The following AOPEP variants were observed in gnomAD, a reference collection of about 807,000 sequenced individuals.
The protein encoded by AOPEP is aminopeptidase O.
In AOPEP, 77 loss-of-function variants were observed where a neutral mutation model predicts 98.1. The ratio of observed to expected loss-of-function variants is 0.78; its 90% CI spans 0.65 to 0.95. The LOEUF (loss-of-function observed/expected upper bound fraction) is 0.95, where lower values mean the gene tolerates loss of function less well. Ranked by LOEUF, AOPEP falls within the 40% of genes least tolerant of loss-of-function variation. The probability of loss-of-function intolerance (pLI) is 0.00; values close to 1 mark genes in which losing one functional copy is unlikely to be tolerated. For missense variants in AOPEP, 1,024 were observed against 1,024.7 expected, an observed-to-expected ratio of 1.00 and a Z score of 0.01; for synonymous variants, 346 against 365.3, an observed-to-expected ratio of 0.95 and a Z score of 0.60.
At chr9:94,975,632 C>T (rs2059795541) in intron 10 of AOPEP, among the ~76,000 whole-genome samples, 1 of 152,164 alleles carries the variant, frequency 6.6e-6, no homozygotes, top group Non-Finnish European at 1.5e-5. Context: ...TCAGTGCTGC[C>T]CTGCAGATCC....
At chr9:94,819,158 C>T (rs1263426878) in intron 5 of AOPEP, among the ~76,000 whole-genome samples, 1 of 152,164 alleles carries the variant, frequency 6.6e-6, no homozygotes, top group Non-Finnish European at 1.5e-5. Context: ...GCTCTCTGTC[C>T]TTGACCTCTT....
chr9:94,872,685 G>T (rs189193733), intron 5 of AOPEP, among the ~76,000 whole-genome samples: 55 of 152,300 alleles, frequency 3.6e-4, no homozygotes, highest in African/African-American at 1.3e-3. Flanking sequence ...TGCTCAGTTT[G>T]TGAATGCTTC....
At chr9:94,744,667 C>T (rs1407044842) in intron 1 of AOPEP, among the ~76,000 whole-genome samples, 1 of 141,972 alleles carries the variant, frequency 7.0e-6, no homozygotes, top group East Asian at 2.1e-4. Flanking sequence ...TGCCATTGCA[C>T]TCCAGCCTGG....
In AOPEP at chr9:94,961,825, A is replaced by T. The variant is rs533437014; in HGVS notation, c.1872+5810A>T. 1.3e-3 allele frequency among the ~76,000 whole-genome samples: 202 copies of T among 151,866 alleles called. 2 individuals are homozygous for T. The highest frequency in any genetic ancestry group is 4.7e-3 in the African/African-American group (193 of 41,196). ...TTATGTGTTATGCTGCTTTCTTTCT[A>T]TGTGAGTTGTTGTTGTGTTAGTTTG... is the stretch of plus-strand genomic sequence containing the variant. On this transcript the variant is annotated intron_variant, in intron 9 of 16. Coordinates refer to ENST00000375315, the MANE Select transcript of AOPEP (RefSeq NM_001193329.3).
chr9:94,999,758 A>C (rs533395663), intron 11 of AOPEP, among the ~76,000 whole-genome samples: 2 of 152,224 alleles, frequency 1.3e-5, no homozygotes, highest in Admixed American at 6.5e-5. Context: ...GGTACAGAAG[A>C]ATCTGTGAAC....
At chr9:94,861,426 C>G (rs752032191) in intron 5 of AOPEP, among the ~76,000 whole-genome samples, 2 of 152,202 alleles carry the variant, frequency 1.3e-5, no homozygotes, top group Non-Finnish European at 1.5e-5. Context: ...TCATCTGTTA[C>G]TGACACAGAG....
the AOPEP span, among the ~76,000 whole-genome samples, chr9:95,096,171 C>T: frequency 6.6e-6 from 1 of 152,148 alleles, no homozygotes; most frequent in African/African-American, 2.4e-5. Context: ...AACAGTTTTA[C>T]TCCTGATACC....
At chr9:95,107,099 T>C in the AOPEP span, 2 of 1,614,170 alleles carry the variant, frequency 1.2e-6, no homozygotes, top group Non-Finnish European at 1.7e-6. Flanking sequence ...TCGTGTGGCC[T>C]CCAGGAGCCC....
At chr9:95,119,678 C>T in the AOPEP span, among the ~76,000 whole-genome samples, 3 of 151,828 alleles carry the variant, frequency 2.0e-5, no homozygotes, top group African/African-American at 7.3e-5. Context: ...TTTTCAGTTT[C>T]TTAATGATAT....
chr9:95,075,641 A>G (rs1332139344), intron 14 of AOPEP, among the ~76,000 whole-genome samples: 1 of 152,202 alleles, frequency 6.6e-6, no homozygotes, highest in Non-Finnish European at 1.5e-5. Flanking sequence ...ACACTTTCGG[A>G]AGCTTAAGGT....
At chr9:94,942,946 A>G (rs567914263) in intron 7 of AOPEP, among the ~76,000 whole-genome samples, 2 of 152,068 alleles carry the variant, frequency 1.3e-5, no homozygotes, top group East Asian at 1.9e-4. Context: ...AGTAGCATCA[A>G]AGATAATAAG....
chr9:95,111,279 CAGG>C, the AOPEP span: 59 of 1,559,742 alleles, frequency 3.8e-5, no homozygotes, highest in African/African-American at 6.1e-4. Flanking sequence ...TCGGTGGGGA[CAGG>C]AGAACGCCTC....
the AOPEP span, among the ~76,000 whole-genome samples, chr9:95,109,307 A>T: frequency 6.6e-6 from 1 of 152,328 alleles, no homozygotes; most frequent in Middle Eastern, 3.4e-3. Context: ...TTGAAAGTTC[A>T]GGCCATTTCC....
chr9:94,759,771 A>G lies in AOPEP; in HGVS notation c.-13A>G. On this transcript the variant is annotated 5_prime_UTR_variant, in exon 2 of 17. Transcript: ENST00000375315. ...TGAGATTTTAATAAATCCCTCAAACAATAAACCACATCATGGACATACAGC... is the reference window on the plus strand; with the variant it reads ...TGAGATTTTAATAAATCCCTCAAACGATAAACCACATCATGGACATACAGC... 6.2e-7 allele frequency: 1 copy of G among 1,602,346 alleles called. No homozygotes were observed. The highest frequency in any genetic ancestry group is 8.5e-7 in the Non-Finnish European group (1 of 1,174,700).
chr9:94,924,727 C>T (rs2054050941), intron 6 of AOPEP, among the ~76,000 whole-genome samples: 1 of 152,182 alleles, frequency 6.6e-6, no homozygotes, highest in Non-Finnish European at 1.5e-5. Context: ...ACAGCAGCTA[C>T]TCAGCTCTAA....
intron 7 of AOPEP, among the ~76,000 whole-genome samples, chr9:94,945,674 C>T (rs80294607): frequency 9.2e-5 from 14 of 152,270 alleles, no homozygotes; most frequent in African/African-American, 3.4e-4. Flanking sequence ...ATCTGCTCCT[C>T]GTTGAGTCAT....
At chr9:94,824,174 T>G (rs923530217) in intron 5 of AOPEP, 2 of 152,158 alleles carry the variant, frequency 1.3e-5, no homozygotes, top group African/African-American at 2.4e-5. Context: ...TCACAACACG[T>G]TTTTTAGGAA....
intron 3 of AOPEP, among the ~76,000 whole-genome samples, chr9:94,784,050 G>A (rs1046358820): frequency 6.6e-6 from 1 of 152,176 alleles, no homozygotes; most frequent in Non-Finnish European, 1.5e-5. Flanking sequence ...AAGTAAAATG[G>A]ATGGTTTTCA....
intron 13 of AOPEP, among the ~76,000 whole-genome samples, chr9:95,011,211 A>T (rs954169469): frequency 2.7e-5 from 3 of 112,796 alleles, no homozygotes; most frequent in African/African-American, 9.9e-5. Context: ...CTAGCCATTG[A>T]TTTTTTTTTT....
Sources: allele counts gnomAD v4.1 joint callset (sites outside exome capture counted in the v4.1 genomes callset), GRCh38; gene constraint gnomAD v4.1.1; transcripts MANE v1.5; gene names NCBI Gene and HGNC (gene_info 2026-07-23, HGNC 2026-07-21).